The following CRBN variants were observed in gnomAD, a reference collection of about 807,000 sequenced individuals.
The protein encoded by CRBN is protein cereblon.
A neutral mutation model predicts 62.2 loss-of-function variants in CRBN; 53 were observed. The observed-to-expected ratio is 0.85, with a 90% CI of 0.68 to 1.07. The LOEUF (loss-of-function observed/expected upper bound fraction) is 1.07. Among genes scored for constraint, CRBN ranks in the 50% least tolerant of loss-of-function variants. The pLI is 0.00. For synonymous variants in CRBN, 208 were observed against 176.1 expected, an observed-to-expected ratio of 1.18 and a Z score of -1.43; for missense variants, 616 against 531.1, an observed-to-expected ratio of 1.16 and a Z score of -1.57.
intron 5 of CRBN, among the ~76,000 whole-genome samples, chr3:3,158,248 A>C (rs898215631): frequency 6.6e-6 from 1 of 152,194 alleles, no homozygotes; most frequent in Non-Finnish European, 1.5e-5. Context: ...TTGCGCTCCT[A>C]TAAGAATCTA....
At chr3:3,156,461 T>C (rs1410113254) in intron 5 of CRBN, 180 bp from the exon 6 acceptor site, 1 of 611,432 alleles carries the variant, frequency 1.6e-6, no homozygotes. Flanking sequence ...ATGCTTCCTA[T>C]ATCCTTCAAA....
intron 5 of CRBN, among the ~76,000 whole-genome samples, chr3:3,158,164 C>T (rs1435074436): frequency 6.6e-6 from 1 of 152,172 alleles, no homozygotes; most frequent in Non-Finnish European, 1.5e-5. Flanking sequence ...GATTCAAGTG[C>T]ATTACATTTA....
At chr3:3,161,335 G>A (rs1043784110) in intron 5 of CRBN, among the ~76,000 whole-genome samples, 2 of 152,078 alleles carry the variant, frequency 1.3e-5, no homozygotes, top group African/African-American at 4.8e-5. Flanking sequence ...TGCTCTCAGA[G>A]AAATTCAAAT....
chr3:3,151,300 C>T (rs1400191965), intron 10 of CRBN, among the ~76,000 whole-genome samples: 2 of 152,122 alleles, frequency 1.3e-5, no homozygotes, highest in Non-Finnish European at 2.9e-5. Flanking sequence ...AAAGAGTAAT[C>T]TTAAGAATTT....
At chr3:3,178,652 T>C (rs1575105071) in intron 1 of CRBN, among the ~76,000 whole-genome samples, 1 of 152,164 alleles carries the variant, frequency 6.6e-6, no homozygotes, top group African/African-American at 2.4e-5. Flanking sequence ...TATCTGGCCC[T>C]AAATCAACCG....
intron 3 of CRBN, 105 bp downstream of exon 3, chr3:3,173,954 C>A: frequency 1.0e-6 from 1 of 966,508 alleles, no homozygotes; most frequent in Non-Finnish European, 1.7e-6. Context: ...TCTTACCCAA[C>A]CTCTCCTGTA....
intron 3 of CRBN, among the ~76,000 whole-genome samples, chr3:3,173,142 C>A (rs1406635664): frequency 6.6e-6 from 1 of 152,182 alleles, no homozygotes. Flanking sequence ...GCTGCAGCCT[C>A]TGCCTCCCAG....
chr3:3,178,681 G>A (rs1707932151), intron 1 of CRBN, among the ~76,000 whole-genome samples: 1 of 151,880 alleles, frequency 6.6e-6, no homozygotes, highest in Admixed American at 6.6e-5. Flanking sequence ...GTTGATTTAC[G>A]TTTAGTTATA....
At chr3:3,174,555 C>G (rs1326601567) in intron 2 of CRBN, among the ~76,000 whole-genome samples, 1 of 152,040 alleles carries the variant, frequency 6.6e-6, no homozygotes, top group Non-Finnish European at 1.5e-5. Context: ...GCAGGGGAAT[C>G]ACTTGAACCT....
intron 1 of CRBN, among the ~76,000 whole-genome samples, chr3:3,176,313 C>G (rs1707821361): frequency 6.6e-6 from 1 of 152,180 alleles, no homozygotes; most frequent in Non-Finnish European, 1.5e-5. Context: ...TCAATCAGTT[C>G]CTACATAAGT....
chr3:3,162,916 C>CA (rs1282012824), intron 5 of CRBN, among the ~76,000 whole-genome samples: 7 of 152,206 alleles, frequency 4.6e-5, no homozygotes, highest in African/African-American at 1.7e-4. Flanking sequence ...TGTCTAAAGA[C>CA]AAACACTGTT....
intron 6 of CRBN, 97 bp downstream of exon 6, chr3:3,156,122 C>T: frequency 2.0e-6 from 2 of 1,002,604 alleles, no homozygotes; most frequent in East Asian, 4.8e-5. Context: ...AGTTATAAGG[C>T]ACTAGAAACT....
intron 4 of CRBN, among the ~76,000 whole-genome samples, chr3:3,169,372 A>G (rs761192115): frequency 5.1e-4 from 77 of 152,204 alleles, no homozygotes; most frequent in Non-Finnish European, 1.3e-4. Flanking sequence ...ATTTATATAA[A>G]TGTTATAAAA....
At chr3:3,178,466 A>T (rs1707923177) in intron 1 of CRBN, among the ~76,000 whole-genome samples, 2 of 152,196 alleles carry the variant, frequency 1.3e-5, no homozygotes, top group South Asian at 4.1e-4. Context: ...ACCCACTGGC[A>T]AGAGATGCCA....
intron 5 of CRBN, among the ~76,000 whole-genome samples, chr3:3,166,830 A>C (rs199717118): frequency 4.6e-5 from 7 of 152,074 alleles, no homozygotes; most frequent in African/African-American, 1.4e-4. Flanking sequence ...ATTTACATTA[A>C]ATTAGGATTC....
rs150203337 is a variant in CRBN, at chr3:3,164,829, C to T, written c.687+2805G>A. ...CAAGGAGTAATTTAAACTTTCAAAT[C>T]TTATTATTTAAGAAATACATTTTTC... On this transcript the variant is annotated intron_variant, in intron 5 of 10. Transcript: ENST00000231948. Among the ~76,000 whole-genome samples the T allele has an allele frequency of 9.6e-4, 146 of 152,286 alleles. 4 individuals are homozygous for T. The East Asian group carries it at 0.024, about 25-fold the overall frequency.
chr3:3,172,655 G>A, intron 4 of CRBN, 121 bp downstream of exon 4: 1 of 1,021,138 alleles, frequency 9.8e-7, no homozygotes, highest in Non-Finnish European at 1.5e-6. Context: ...ACCTTAGAAG[G>A]GAAAGAGAAC....
At chr3:3,178,189 G>C (rs1452765422) in intron 1 of CRBN, among the ~76,000 whole-genome samples, 1 of 152,140 alleles carries the variant, frequency 6.6e-6, no homozygotes, top group African/African-American at 2.4e-5. Context: ...TAGGGCTAAT[G>C]TCTCTGAAAA....
intron 5 of CRBN, among the ~76,000 whole-genome samples, chr3:3,162,008 G>A (rs1390172314): frequency 1.3e-5 from 2 of 152,176 alleles, no homozygotes; most frequent in East Asian, 1.9e-4. Flanking sequence ...ATTAGGAGGA[G>A]ATTTAAACAC....
Sources: gnomAD v4.1 joint callset for allele counts (sites outside exome capture counted in the v4.1 genomes callset) on GRCh38, gnomAD v4.1.1 for gene constraint, MANE v1.5 for transcripts, NCBI Gene and HGNC (gene_info 2026-07-23, HGNC 2026-07-21) for gene names.